SLC2A9: variants seen among roughly 807,000 people sequenced by gnomAD.
SLC2A9 encodes the protein solute carrier family 2, facilitated glucose transporter member 9.
A neutral mutation model predicts 50.6 loss-of-function variants in SLC2A9; 39 were observed. The ratio of observed to expected loss-of-function variants is 0.77; its 90% CI spans 0.60 to 1.01. The LOEUF is 1.01. SLC2A9 is among the 50% of genes least tolerant of loss of function. The pLI is 0.00. For missense variants in SLC2A9, 686 were observed against 677.6 expected, an observed-to-expected ratio of 1.01 and a Z score of -0.14; for synonymous variants, 324 against 276.9, an observed-to-expected ratio of 1.17 and a Z score of -1.69.
At chr4:9,809,710 T>A (rs555347993) in intron 3 of SLC2A9, among the ~76,000 whole-genome samples, 10 of 152,222 alleles carry the variant, frequency 6.6e-5, no homozygotes, top group Non-Finnish European at 1.5e-5. Context: ...CTGGCAGGGA[T>A]GTTGTGAGAA....
intron 2 of SLC2A9, among the ~76,000 whole-genome samples, chr4:10,011,812 A>C (rs1761805699): frequency 6.6e-6 from 1 of 152,256 alleles, no homozygotes; most frequent in Non-Finnish European, 1.5e-5. Flanking sequence ...AAACATCTTC[A>C]GGAAGATTTA....
At chr4:9,867,873 CT>C (rs1001698611) in intron 10 of SLC2A9, among the ~76,000 whole-genome samples, 1 of 152,234 alleles carries the variant, frequency 6.6e-6, no homozygotes, top group African/African-American at 2.4e-5. Context: ...TGATCCCATT[CT>C]GTGAACTGGT....
At chr4:9,966,298 T>G (rs905668404) in intron 5 of SLC2A9, among the ~76,000 whole-genome samples, 2 of 152,236 alleles carry the variant, frequency 1.3e-5, no homozygotes, top group Non-Finnish European at 2.9e-5. Flanking sequence ...AATTACAGAT[T>G]TGAATAATGA....
intron 3 of SLC2A9, chr4:9,783,277 C>T (rs768995915): frequency 9.3e-6 from 15 of 1,614,102 alleles, no homozygotes; most frequent in South Asian, 2.2e-5. Flanking sequence ...TGATGCCCAA[C>T]GCCGTTACCC....
chr4:9,863,995 C>A (rs540833460), intron 10 of SLC2A9, among the ~76,000 whole-genome samples: 1 of 152,022 alleles, frequency 6.6e-6, no homozygotes, highest in African/African-American at 2.4e-5. Flanking sequence ...AGTGCATACA[C>A]TTTTTCCCCA....
chr4:9,917,872 C>A (rs528600753), intron 7 of SLC2A9, among the ~76,000 whole-genome samples: 1 of 152,244 alleles, frequency 6.6e-6, no homozygotes, highest in South Asian at 2.1e-4. Context: ...AGGCACACAG[C>A]ACAGCCCCCA....
chr4:10,019,093 C>G lies in SLC2A9; in HGVS notation c.151-20G>C. On this transcript the variant is annotated intron_variant, in intron 1 of 11. Transcript: ENST00000264784. ...CCAGTCCTGAGGGGAGAGGAAACCA[C>G]GTCAGAGCCGGCACCGGGCGCGCAG... The G allele has an allele frequency of 6.5e-7, 1 of 1,548,368 alleles. No individual in the cohort carries two copies. The highest frequency in any genetic ancestry group is 1.2e-5 in the South Asian group (1 of 83,998).
chr4:9,868,157 G>A (rs1213375561), intron 10 of SLC2A9, among the ~76,000 whole-genome samples: 8 of 152,232 alleles, frequency 5.3e-5, no homozygotes, highest in Non-Finnish European at 1.2e-4. Context: ...CTATGTTCCT[G>A]CTGGAGAAAG....
intron 2 of SLC2A9, among the ~76,000 whole-genome samples, chr4:9,999,401 C>T (rs558252010): frequency 2.7e-4 from 40 of 150,830 alleles, no homozygotes; most frequent in African/African-American, 7.6e-4. Context: ...TGTGTGTGTA[C>T]GGGCACACAA....
chr4:9,879,890 C>A, intron 10 of SLC2A9: 1 of 985,424 alleles, frequency 1.0e-6, no homozygotes, highest in Non-Finnish European at 1.2e-6. Context: ...ATAAAATATG[C>A]AGCAGGAAAC....
At chr4:9,940,366 C>A (rs1747904209) in intron 6 of SLC2A9, among the ~76,000 whole-genome samples, 1 of 152,176 alleles carries the variant, frequency 6.6e-6, no homozygotes, top group Non-Finnish European at 1.5e-5. Context: ...TGGTATCTCT[C>A]TGTGCACGAG....
downstream of SLC2A9, among the ~76,000 whole-genome samples, chr4:9,797,802 A>AT (rs973244148): frequency 4.6e-5 from 7 of 152,038 alleles, no homozygotes; most frequent in African/African-American, 9.7e-5. Flanking sequence ...CAATTTTTTT[A>AT]TTTTTTTGAA....
At chr4:9,800,762 A>T (rs1282373464) in intron 3 of SLC2A9, among the ~76,000 whole-genome samples, 1 of 152,238 alleles carries the variant, frequency 6.6e-6, no homozygotes, top group African/African-American at 2.4e-5. Flanking sequence ...TATTATAGGT[A>T]ATCTGGAGAT....
At chr4:9,917,081 C>T (rs1232367462) in intron 7 of SLC2A9, among the ~76,000 whole-genome samples, 1 of 152,186 alleles carries the variant, frequency 6.6e-6, no homozygotes, top group Non-Finnish European at 1.5e-5. Flanking sequence ...CCAGGAGCCT[C>T]TTTCACACTG....
At chr4:9,921,272 G>T (rs911684301) in intron 6 of SLC2A9, among the ~76,000 whole-genome samples, 1 of 152,116 alleles carries the variant, frequency 6.6e-6, no homozygotes, top group Non-Finnish European at 1.5e-5. Flanking sequence ...GTTGAACACT[G>T]CAAACTTCCA....
At chr4:9,944,953 C>T (rs1748845004) in intron 5 of SLC2A9, among the ~76,000 whole-genome samples, 1 of 152,222 alleles carries the variant, frequency 6.6e-6, no homozygotes, top group South Asian at 2.1e-4. Context: ...ATGACCTGCG[C>T]ACACGTCATC....
chr4:9,945,120 C>T (rs116580898), intron 5 of SLC2A9, among the ~76,000 whole-genome samples: 1,986 of 152,332 alleles, frequency 0.013, 50 homozygotes, highest in African/African-American at 0.044. Context: ...CATCAGCAAC[C>T]CTTACTGAGC....
At chr4:9,859,473 C>T (rs192736742) in intron 10 of SLC2A9, among the ~76,000 whole-genome samples, 1 of 152,358 alleles carries the variant, frequency 6.6e-6, no homozygotes, top group East Asian at 1.9e-4. Context: ...TGCCTAAAGT[C>T]ATTCACCTAA....
intron 3 of SLC2A9, among the ~76,000 whole-genome samples, chr4:9,812,267 A>C (rs535647862): frequency 6.6e-6 from 1 of 152,354 alleles, no homozygotes; most frequent in Non-Finnish European, 1.5e-5. Flanking sequence ...TTTATTTAGC[A>C]CTTACTATGT....
Sources: gnomAD v4.1 joint callset for allele counts (sites outside exome capture counted in the v4.1 genomes callset) on GRCh38, gnomAD v4.1.1 for gene constraint, MANE v1.5 for transcripts, NCBI Gene and HGNC (gene_info 2026-07-23, HGNC 2026-07-21) for gene names.